ALK: variants seen among roughly 807,000 people sequenced by gnomAD.
ALK encodes ALK tyrosine kinase receptor.
A neutral mutation model predicts 163.1 loss-of-function variants in ALK; 74 were observed. The ratio of observed to expected loss-of-function variants is 0.45; its 90% CI spans 0.38 to 0.55. ALK has a LOEUF of 0.55. Among genes scored for constraint, ALK ranks in the 20% least tolerant of loss-of-function variants. ALK has a pLI of 0.00. For missense variants in ALK, 2,063 were observed against 2,105.3 expected (o/e 0.98, Z 0.39); for synonymous variants, 960 against 843.2 (o/e 1.14, Z -2.40).
intron 1 of ALK, among the ~76,000 whole-genome samples, chr2:29,770,897 A>AC (rs1681001337): frequency 6.6e-6 from 1 of 152,152 alleles, no homozygotes; most frequent in East Asian, 1.9e-4. Context: ...AGCCACACAC[A>AC]CAGTCTCACA....
In ALK at chr2:29,416,674, C is replaced by G. The variant is rs1487764731; in HGVS notation, c.1155-32815G>C. On this transcript the variant is annotated intron_variant, in intron 4 of 28. Transcript: ENST00000389048. Reference sequence around the variant, plus strand: ...AGGATATTAGATCAAGGCTTGGGCCCCAGATACTACTCCTTTTGGCTCTGT... The same window carrying G: ...AGGATATTAGATCAAGGCTTGGGCCGCAGATACTACTCCTTTTGGCTCTGT... Among the ~76,000 whole-genome samples, 6 of 152,250 alleles carry G rather than the reference C, an allele frequency of 3.9e-5. No individual in the cohort carries two copies. The South Asian group carries it at 1.2e-3, about 32-fold the overall frequency.
At chr2:29,716,090 G>C (rs187342772) in intron 2 of ALK, among the ~76,000 whole-genome samples, 6 of 152,294 alleles carry the variant, frequency 3.9e-5, no homozygotes, top group Admixed American at 1.3e-4. Flanking sequence ...GAACATCTCT[G>C]TTAGGTGCAT....
At chr2:29,634,062 G>T (rs1361194472) in intron 3 of ALK, among the ~76,000 whole-genome samples, 1 of 151,938 alleles carries the variant, frequency 6.6e-6, no homozygotes. Flanking sequence ...TAGAGAAAGA[G>T]TCTCACTATG....
chr2:29,630,711 G>A (rs1676343526), intron 3 of ALK, among the ~76,000 whole-genome samples: 1 of 151,898 alleles, frequency 6.6e-6, no homozygotes, highest in Non-Finnish European at 1.5e-5. Flanking sequence ...TATTTTCACA[G>A]GAAATATATA....
At chr2:29,403,590 G>C (rs1268764457) in intron 4 of ALK, among the ~76,000 whole-genome samples, 1 of 151,728 alleles carries the variant, frequency 6.6e-6, no homozygotes, top group Non-Finnish European at 1.5e-5. Flanking sequence ...GTGGGAGGGT[G>C]GGGGCGCTGG....
At chr2:29,904,400 G>A (rs1667486963) in intron 1 of ALK, among the ~76,000 whole-genome samples, 1 of 151,978 alleles carries the variant, frequency 6.6e-6, no homozygotes, top group Admixed American at 6.6e-5. Context: ...CATTTATTTA[G>A]TTATATTTTC....
At chr2:29,288,663 G>C (rs1188541125) in intron 9 of ALK, among the ~76,000 whole-genome samples, 1 of 152,092 alleles carries the variant, frequency 6.6e-6, no homozygotes, top group Non-Finnish European at 1.5e-5. Flanking sequence ...AGAAAACTGT[G>C]CCTTGAACTG....
intron 4 of ALK, among the ~76,000 whole-genome samples, chr2:29,410,899 T>C (rs1214845212): frequency 6.6e-6 from 1 of 152,204 alleles, no homozygotes; most frequent in Non-Finnish European, 1.5e-5. Flanking sequence ...AAAAATATTT[T>C]TCTTCAATAA....
intron 11 of ALK, among the ~76,000 whole-genome samples, chr2:29,272,784 T>C (rs1246405122): frequency 1.3e-5 from 2 of 152,238 alleles, no homozygotes; most frequent in African/African-American, 4.8e-5. Context: ...GCTGGAACTC[T>C]TCCCTGCTCT....
intron 4 of ALK, among the ~76,000 whole-genome samples, chr2:29,481,577 G>A (rs1179190157): frequency 2.0e-5 from 3 of 152,118 alleles, no homozygotes; most frequent in African/African-American, 7.2e-5. Context: ...TAGAATCTCC[G>A]ACTTTGGCAA....
intron 3 of ALK, among the ~76,000 whole-genome samples, chr2:29,601,176 C>T (rs1332934356): frequency 1.3e-5 from 2 of 152,150 alleles, no homozygotes; most frequent in South Asian, 2.1e-4. Context: ...GAAAGCAATA[C>T]AGAAATATCA....
chr2:29,689,380 C>T (rs780904744), intron 3 of ALK, among the ~76,000 whole-genome samples: 2 of 152,206 alleles, frequency 1.3e-5, no homozygotes, highest in Non-Finnish European at 2.9e-5. Context: ...AAAGTCTGCA[C>T]TTGCAGTTCA....
intron 5 of ALK, among the ~76,000 whole-genome samples, chr2:29,340,326 A>C (rs1394135612): frequency 6.6e-6 from 1 of 152,254 alleles, no homozygotes; most frequent in African/African-American, 2.4e-5. Flanking sequence ...ATTCTGCAGC[A>C]GAGAAAGCTG....
intron 4 of ALK, among the ~76,000 whole-genome samples, chr2:29,409,685 A>G (rs1208152933): frequency 6.6e-6 from 1 of 152,094 alleles, no homozygotes; most frequent in African/African-American, 2.4e-5. Flanking sequence ...CTCTTCCTCT[A>G]TGACCTGGGA....
chr2:29,619,769 T>C (rs934803332), intron 3 of ALK, among the ~76,000 whole-genome samples: 1 of 152,230 alleles, frequency 6.6e-6, no homozygotes, highest in Non-Finnish European at 1.5e-5. Flanking sequence ...TCCTGGGTTG[T>C]CAAACAATAC....
intron 1 of ALK, among the ~76,000 whole-genome samples, chr2:29,834,296 A>G (rs571370945): frequency 4.0e-4 from 61 of 152,316 alleles, no homozygotes; most frequent in African/African-American, 1.4e-3. Context: ...CAATTAGAAA[A>G]AAAGTGAAAA....
chr2:29,528,133 T>C (rs1158440266), intron 4 of ALK, among the ~76,000 whole-genome samples: 14 of 152,188 alleles, frequency 9.2e-5, no homozygotes, highest in Admixed American at 8.5e-4. Flanking sequence ...GCAACTTCTA[T>C]CCCCTTGAGG....
intron 23 of ALK, among the ~76,000 whole-genome samples, chr2:29,218,926 A>G (rs1669711064): frequency 6.6e-6 from 1 of 152,228 alleles, no homozygotes; most frequent in African/African-American, 2.4e-5. Context: ...GTTGGCTCTA[A>G]GGACACAACC....
At chr2:29,749,784 G>A (rs536374451) in intron 1 of ALK, among the ~76,000 whole-genome samples, 1 of 152,212 alleles carries the variant, frequency 6.6e-6, no homozygotes, top group Non-Finnish European at 1.5e-5. Flanking sequence ...GGAAACTAGA[G>A]AGACACTTGT....
Sources: allele counts gnomAD v4.1 joint callset (sites outside exome capture counted in the v4.1 genomes callset), GRCh38; gene constraint gnomAD v4.1.1; transcripts MANE v1.5; gene names NCBI Gene and HGNC (gene_info 2026-07-23, HGNC 2026-07-21).